Variants in TRABD2A observed in about 807,000 individuals in gnomAD.
TRABD2A encodes TraB domain containing 2A.
TRABD2A carries 43 observed loss-of-function variants against 45.6 expected under a neutral mutation model. The observed-to-expected ratio is 0.94, with a 90% CI of 0.74 to 1.22. The LOEUF (loss-of-function observed/expected upper bound fraction) is 1.22. Ranked by LOEUF, TRABD2A falls within the 50% of genes most tolerant of loss-of-function variation. TRABD2A has a pLI of 0.00. For synonymous variants in TRABD2A, 269 were observed against 265.0 expected (o/e 1.02, Z -0.15); for missense variants, 642 against 652.4 (o/e 0.98, Z 0.17).
intron 1 of TRABD2A, 88 bp downstream of exon 1, chr2:84,880,844 C>G (rs773376764): frequency 1.4e-4 from 209 of 1,532,036 alleles, no homozygotes; most frequent in Non-Finnish European, 1.7e-4. Context: ...GCTCGGGGTC[C>G]GAAAGCGCTG....
At chr2:84,845,648 T>TTC (rs560206974) in intron 2 of TRABD2A, among the ~76,000 whole-genome samples, 152 of 152,320 alleles carry the variant, frequency 1.0e-3, no homozygotes, top group African/African-American at 3.3e-3. Context: ...GTTGATAGAC[T>TTC]GAACATCAAG....
chr2:84,842,812 A>G (rs1559088715), intron 2 of TRABD2A, among the ~76,000 whole-genome samples: 1 of 152,016 alleles, frequency 6.6e-6, no homozygotes, highest in Non-Finnish European at 1.5e-5. Flanking sequence ...CTAATGTGCG[A>G]TGTGGGTCTC....
intron 1 of TRABD2A, among the ~76,000 whole-genome samples, chr2:84,877,780 C>G (rs190593024): frequency 2.3e-3 from 357 of 152,282 alleles, no homozygotes; most frequent in Non-Finnish European, 3.8e-3. Flanking sequence ...CCCAGCACAC[C>G]CTCAGCTCCT....
At position 84,870,216 on chromosome 2, in the gene TRABD2A, G is replaced by T. The variant is rs1682824870; in HGVS notation, c.669+9C>A. 1.3e-6 allele frequency: 2 copies of T among 1,597,524 alleles called. No homozygotes were observed. The highest frequency in any genetic ancestry group is 1.7e-6 in the Non-Finnish European group (2 of 1,169,576). On this transcript the variant is annotated intron_variant, in intron 2 of 6. Transcript: ENST00000409520. ...TGCCACTAAGTCTTTTATGCAAAGA[G>T]AGTCTTACCTGTGAAAAGTTCAACC...
At chr2:84,833,001 G>C (rs1573920689) in intron 4 of TRABD2A, 1 of 152,216 alleles carries the variant, frequency 6.6e-6, no homozygotes, top group African/African-American at 2.4e-5. Flanking sequence ...GTAGTCTCAG[G>C]AGTCACAACC....
intron 2 of TRABD2A, among the ~76,000 whole-genome samples, chr2:84,869,789 G>GA (rs397696819): frequency 1.3e-3 from 1 of 758 alleles, no homozygotes. Context: ...AGACCAGCCT[G>GA]GCAACATGGC....
intron 2 of TRABD2A, among the ~76,000 whole-genome samples, chr2:84,857,654 A>C (rs899922755): frequency 2.0e-5 from 3 of 152,146 alleles, no homozygotes; most frequent in African/African-American, 7.2e-5. Context: ...AATCACTATC[A>C]AGTCCACACA....
intron 2 of TRABD2A, among the ~76,000 whole-genome samples, chr2:84,853,955 G>T (rs1205487208): frequency 6.6e-6 from 1 of 152,106 alleles, no homozygotes; most frequent in Non-Finnish European, 1.5e-5. Context: ...GGGAGGCAGA[G>T]GTTGCAGTGA....
At chr2:84,850,972 A>G (rs1443137748) in intron 2 of TRABD2A, 1 of 152,244 alleles carries the variant, frequency 6.6e-6, no homozygotes, top group African/African-American at 2.4e-5. Context: ...CTTAGCACTA[A>G]CCAGGCTGCT....
intron 1 of TRABD2A, among the ~76,000 whole-genome samples, chr2:84,873,786 A>G (rs955296465): frequency 6.6e-6 from 1 of 152,218 alleles, no homozygotes; most frequent in African/African-American, 2.4e-5. Context: ...ATTTTAGTTT[A>G]TTTGTTCATT....
chr2:84,853,846 T>G (rs1012444756), intron 2 of TRABD2A, among the ~76,000 whole-genome samples: 3 of 152,004 alleles, frequency 2.0e-5, no homozygotes, highest in Non-Finnish European at 4.4e-5. Context: ...ATGGTGAAAC[T>G]CCATCTGTAC....
intron 2 of TRABD2A, among the ~76,000 whole-genome samples, chr2:84,847,112 C>T (rs573157141): frequency 6.6e-6 from 1 of 152,332 alleles, no homozygotes; most frequent in East Asian, 1.9e-4. Context: ...AGGTAACTCC[C>T]TCTCCAGTGA....
At chr2:84,858,934 C>G (rs992904124) in intron 2 of TRABD2A, among the ~76,000 whole-genome samples, 2 of 152,052 alleles carry the variant, frequency 1.3e-5, no homozygotes, top group Admixed American at 1.3e-4. Context: ...TTGAGGCCAG[C>G]CAAGCAACAT....
At chr2:84,826,771 A>G (rs1042890479) in intron 5 of TRABD2A, among the ~76,000 whole-genome samples, 4 of 152,182 alleles carry the variant, frequency 2.6e-5, no homozygotes, top group Non-Finnish European at 4.4e-5. Context: ...TGACCCCATG[A>G]TCCACCCACC....
intron 2 of TRABD2A, among the ~76,000 whole-genome samples, chr2:84,855,539 C>A (rs1318841594): frequency 6.6e-6 from 1 of 152,184 alleles, no homozygotes; most frequent in Non-Finnish European, 1.5e-5. Flanking sequence ...TCCACCTGCA[C>A]TGCCTTCTGA....
At chr2:84,860,897 C>T (rs946778533) in intron 2 of TRABD2A, among the ~76,000 whole-genome samples, 1 of 152,156 alleles carries the variant, frequency 6.6e-6, no homozygotes, top group African/African-American at 2.4e-5. Flanking sequence ...CAGATGTAGG[C>T]CACATTTGAG....
chr2:84,859,957 G>C lies in TRABD2A; in HGVS notation c.669+10268C>G, dbSNP rs140151587. 5.8e-3 allele frequency among the ~76,000 whole-genome samples: 877 copies of C among 151,916 alleles called. 3 individuals are homozygous for C. Among genetic ancestry groups the C allele is most frequent in the Non-Finnish European group, 9.6e-3 (650 of 67,946 alleles). On this transcript the variant is annotated intron_variant, in intron 2 of 6. Transcript: ENST00000409520. ...TTTATTTTTTGGAGAGATGGGGGGG[G>C]GTCTCACTATGTTGTCCAGGCTGGT...
chr2:84,826,223 CA>C (rs1681141559), intron 5 of TRABD2A, among the ~76,000 whole-genome samples: 1 of 152,212 alleles, frequency 6.6e-6, no homozygotes, highest in Non-Finnish European at 1.5e-5. Flanking sequence ...TGGTTTGAAA[CA>C]GTGGATCCTC....
intron 2 of TRABD2A, among the ~76,000 whole-genome samples, chr2:84,865,125 T>C (rs993400622): frequency 6.6e-6 from 1 of 152,160 alleles, no homozygotes. Flanking sequence ...TTGCTCCCCA[T>C]CTTCTCCAAC....
Sources: gnomAD v4.1 joint callset for allele counts (sites outside exome capture counted in the v4.1 genomes callset) on GRCh38, gnomAD v4.1.1 for gene constraint, MANE v1.5 for transcripts, NCBI Gene and HGNC (gene_info 2026-07-23, HGNC 2026-07-21) for gene names.